The following LRRC8C variants were observed in gnomAD, a reference collection of about 807,000 sequenced individuals.
LRRC8C encodes volume-regulated anion channel subunit LRRC8C.
Under a neutral mutation model 55.3 loss-of-function variants are expected in LRRC8C, and 20 were observed. That is an observed-to-expected ratio of 0.36 (90% CI 0.25 to 0.53). LRRC8C has a LOEUF of 0.53. LRRC8C is among the 20% of genes least tolerant of loss of function. The pLI, the probability that LRRC8C is intolerant of heterozygous loss-of-function variation, is 0.92. For missense variants in LRRC8C, 659 were observed against 951.4 expected (o/e 0.69, Z 4.04); for synonymous variants, 376 against 360.7 (o/e 1.04, Z -0.48).
intron 2 of LRRC8C, among the ~76,000 whole-genome samples, chr1:89,695,826 G>A (rs1344967606): frequency 6.6e-6 from 1 of 152,168 alleles, no homozygotes; most frequent in African/African-American, 2.4e-5. Flanking sequence ...CTCTTAGTAT[G>A]AGTTTAGGTG....
chr1:89,707,651 A>AGTGTGTGTGT (rs34052147), intron 2 of LRRC8C, among the ~76,000 whole-genome samples: 49 of 140,036 alleles, frequency 3.5e-4, no homozygotes, highest in African/African-American at 1.3e-3. Flanking sequence ...TGTGTGTGTG[A>AGTGTGTGTGT]GTGTGTGTGT....
the LRRC8C span, among the ~76,000 whole-genome samples, chr1:89,627,724 A>G: frequency 2.0e-5 from 3 of 152,138 alleles, no homozygotes; most frequent in Non-Finnish European, 4.4e-5. Context: ...TGATTATGTG[A>G]CCTTCAGCTA....
chr1:89,659,079 G>T lies in LRRC8C; in HGVS notation c.-5+25757G>T, dbSNP rs1253799081. ...TTTTTTTTTGTGTGTGTGTGTGTGT[G>T]TGTGTGTGTGTGTGTGTGTGTGTGT... On this transcript the variant is annotated intron_variant, in intron 1 of 2. Coordinates refer to ENST00000370454, the MANE Select transcript of LRRC8C (RefSeq NM_032270.5). Among the ~76,000 whole-genome samples, 432 of 139,280 alleles carry T rather than the reference G, an allele frequency of 3.1e-3. 17 individuals carry two copies. The highest frequency in any genetic ancestry group is 0.011 in the African/African-American group (404 of 36,892). The allele number at this position is 139,280 out of a possible 152,430, so 91.4% of individuals were successfully genotyped here.
At chr1:89,698,131 A>C (rs181435926) in intron 2 of LRRC8C, among the ~76,000 whole-genome samples, 88 of 152,328 alleles carry the variant, frequency 5.8e-4, no homozygotes, top group African/African-American at 1.9e-3. Context: ...TGTGTCTCTT[A>C]AATGAGTTAG....
upstream of LRRC8C, among the ~76,000 whole-genome samples, chr1:89,628,790 G>T (rs186505625): frequency 5.3e-5 from 8 of 152,342 alleles, no homozygotes; most frequent in East Asian, 1.5e-3. Context: ...AGGGAAGGGA[G>T]GGAGAAGATT....
At chr1:89,701,987 G>T (rs1175165474) in intron 2 of LRRC8C, among the ~76,000 whole-genome samples, 1 of 152,098 alleles carries the variant, frequency 6.6e-6, no homozygotes, top group East Asian at 1.9e-4. Context: ...ACTGTTTCAA[G>T]CCAAAAGTCC....
Position 89,712,859 on chromosome 1 carries a change from A to G in LRRC8C, c.289A>G (p.Lys97Glu). 1 of 1,614,180 alleles carries G rather than the reference A, an allele frequency of 6.2e-7. No homozygotes were observed. The highest frequency in any genetic ancestry group is 8.5e-7 in the Non-Finnish European group (1 of 1,180,016). ...TGCTAACCCCATCACTGTGGAAATG[A>G]AAGGCCTGAAGACAGATTTGGACCT... ...SPANPITVEM[K>E]GLKTDLDLQQ... Residue 97 changes from lysine (K) to glutamate (E), a missense_variant, in exon 3 of 3, where the codon AAA (lysine) becomes GAA (glutamate). Physicochemically the swap from Lys to Glu is moderately conservative, Grantham distance 56 (BLOSUM62 1). Coordinates refer to ENST00000370454, the MANE Select transcript of LRRC8C (RefSeq NM_032270.5).
At chr1:89,679,771 A>C (rs1283273505) in intron 1 of LRRC8C, among the ~76,000 whole-genome samples, 3 of 152,140 alleles carry the variant, frequency 2.0e-5, no homozygotes, top group Admixed American at 1.3e-4. Context: ...TTCTTGAATG[A>C]TATATGATTG....
At chr1:89,657,762 A>G (rs1656992554) in intron 1 of LRRC8C, among the ~76,000 whole-genome samples, 1 of 140,986 alleles carries the variant, frequency 7.1e-6, no homozygotes, top group Non-Finnish European at 1.5e-5. Context: ...AAAAAAAAAG[A>G]TGCTTAGTAT....
At chr1:89,642,847 A>C (rs1656501349) in intron 1 of LRRC8C, among the ~76,000 whole-genome samples, 1 of 24,052 alleles carries the variant, frequency 4.2e-5, no homozygotes, top group African/African-American at 2.9e-4. Context: ...ACTCCATCTC[A>C]AAAAAAAAAA....
At chr1:89,624,181 C>T in the LRRC8C span, among the ~76,000 whole-genome samples, 7 of 152,194 alleles carry the variant, frequency 4.6e-5, no homozygotes, top group Admixed American at 2.6e-4. Flanking sequence ...GTATGCTTCC[C>T]GTTTGCTTTG....
intron 1 of LRRC8C, among the ~76,000 whole-genome samples, chr1:89,678,652 A>T (rs1477982405): frequency 1.3e-5 from 2 of 151,630 alleles, no homozygotes; most frequent in Non-Finnish European, 2.9e-5. Flanking sequence ...GTGAGCCAAG[A>T]TCGCGCCATT....
At position 89,713,969 on chromosome 1, in the gene LRRC8C, G is replaced by A. The variant is rs1161924852; in HGVS notation, c.1399G>A (p.Asp467Asn). 1.2e-6 allele frequency: 2 copies of A among 1,613,502 alleles called. No individual in the cohort carries two copies. Among genetic ancestry groups the A allele is most frequent in the Admixed American group, 1.7e-5 (1 of 60,022 alleles). ...GATACCAGCCACCATTGCACAGCTAGACAATCTTCAAGAGCTCTCTCTGCA... is the reference window on the plus strand; with the variant it reads ...GATACCAGCCACCATTGCACAGCTAAACAATCTTCAAGAGCTCTCTCTGCA... ...VMIPATIAQLDNLQELSLHQC... is the reference protein window; with the variant it reads ...VMIPATIAQLNNLQELSLHQC... The change falls in exon 3 of 3, where the codon GAC (aspartate) becomes AAC (asparagine). Residue 467 changes from aspartate (D) to asparagine (N), a missense_variant. By Grantham distance (23) the Asp-to-Asn change is conservative. Transcript: ENST00000370454. The surrounding 1 kb of genome is among the most constrained non-coding windows in gnomAD (Gnocchi z 5.2).
chr1:89,617,896 G>A, the LRRC8C span, among the ~76,000 whole-genome samples: 1 of 152,002 alleles, frequency 6.6e-6, no homozygotes, highest in Non-Finnish European at 1.5e-5. Flanking sequence ...ACATACATAG[G>A]GCAAGGTCAG....
At chr1:89,624,320 A>T in the LRRC8C span, among the ~76,000 whole-genome samples, 10 of 152,372 alleles carry the variant, frequency 6.6e-5, no homozygotes, top group East Asian at 1.9e-3. Flanking sequence ...TTTGGAAGAA[A>T]GAGTACAAAA....
At chr1:89,700,919 A>G (rs940123680) in intron 2 of LRRC8C, among the ~76,000 whole-genome samples, 1 of 152,214 alleles carries the variant, frequency 6.6e-6, no homozygotes, top group Non-Finnish European at 1.5e-5. Flanking sequence ...ACATATTGGA[A>G]TGGTACCACC....
intron 2 of LRRC8C, among the ~76,000 whole-genome samples, chr1:89,704,971 C>T (rs900791115): frequency 9.2e-5 from 14 of 151,840 alleles, no homozygotes; most frequent in African/African-American, 3.4e-4. Flanking sequence ...GACACATGCA[C>T]ACGTATGTTT....
intron 2 of LRRC8C, among the ~76,000 whole-genome samples, chr1:89,709,120 G>A (rs1570742785): frequency 6.6e-6 from 1 of 152,250 alleles, no homozygotes; most frequent in South Asian, 2.1e-4. Flanking sequence ...GAGATTGCCT[G>A]TGGCATAAGC....
At chr1:89,654,053 A>G (rs1005954743) in intron 1 of LRRC8C, among the ~76,000 whole-genome samples, 1 of 152,220 alleles carries the variant, frequency 6.6e-6, no homozygotes, top group Non-Finnish European at 1.5e-5. Context: ...TATTCAATAT[A>G]TATACACAAT....
Sources: allele counts gnomAD v4.1 joint callset (sites outside exome capture counted in the v4.1 genomes callset), GRCh38; gene constraint gnomAD v4.1.1; non-coding constraint Gnocchi (gnomAD v3.1); transcripts MANE v1.5; gene names NCBI Gene and HGNC (gene_info 2026-07-23, HGNC 2026-07-21).